The following BAZ2B variants were observed in gnomAD, a reference collection of about 807,000 sequenced individuals.
The protein encoded by BAZ2B is bromodomain adjacent to zinc finger domain protein 2B.
Under a neutral mutation model 246.0 loss-of-function variants are expected in BAZ2B, and 91 were observed. The ratio of observed to expected loss-of-function variants is 0.37; its 90% CI spans 0.31 to 0.44. BAZ2B has a LOEUF of 0.44. Ranked by LOEUF, BAZ2B falls within the 20% of genes least tolerant of loss-of-function variation. The pLI is 1.00. For missense variants in BAZ2B, 2,332 were observed against 2,533.7 expected, an observed-to-expected ratio of 0.92 and a Z score of 1.71; for synonymous variants, 855 against 860.0, an observed-to-expected ratio of 0.99 and a Z score of 0.10.
chr2:159,437,958 G>A, intron 8 of BAZ2B: 1 of 170,050 alleles, frequency 5.9e-6, no homozygotes, highest in Non-Finnish European at 1.2e-5. Flanking sequence ...GGAAAAAAAG[G>A]ACATTAATTT....
chr2:159,523,830 C>T (rs2084416289), intron 2 of BAZ2B, among the ~76,000 whole-genome samples: 1 of 152,086 alleles, frequency 6.6e-6, no homozygotes, highest in Non-Finnish European at 1.5e-5. Context: ...TCAATAATTT[C>T]TGATATAATA....
intron 27 of BAZ2B, among the ~76,000 whole-genome samples, chr2:159,363,256 T>C (rs2059902707): frequency 6.6e-6 from 1 of 152,126 alleles, no homozygotes; most frequent in African/African-American, 2.4e-5. Context: ...TTGGGGTGAT[T>C]TTCCTGCCAC....
chr2:159,353,793 G>A (rs1212920783), intron 27 of BAZ2B, among the ~76,000 whole-genome samples: 1 of 152,128 alleles, frequency 6.6e-6, no homozygotes, highest in Non-Finnish European at 1.5e-5. Flanking sequence ...TAGGAGCAGG[G>A]GATAATCAGC....
At chr2:159,496,558 G>A (rs1293211708) in intron 2 of BAZ2B, among the ~76,000 whole-genome samples, 27 of 148,828 alleles carry the variant, frequency 1.8e-4, no homozygotes, top group African/African-American at 4.0e-4. Flanking sequence ...CAAGGTGGGC[G>A]GATCACCTGA....
intron 2 of BAZ2B, among the ~76,000 whole-genome samples, chr2:159,479,826 C>T (rs890115881): frequency 6.6e-6 from 1 of 152,116 alleles, no homozygotes; most frequent in African/African-American, 2.4e-5. Flanking sequence ...ATTAGAAAGA[C>T]CATTTCAATG....
At chr2:159,510,265 C>T (rs1445704353) in intron 2 of BAZ2B, among the ~76,000 whole-genome samples, 1 of 152,152 alleles carries the variant, frequency 6.6e-6, no homozygotes, top group Non-Finnish European at 1.5e-5. Context: ...TTACTGCAGC[C>T]TCAACCTCCT....
At chr2:159,454,591 G>A (rs35554126) in intron 3 of BAZ2B, among the ~76,000 whole-genome samples, 66,174 of 151,868 alleles carry the variant, frequency 0.44, 15,027 homozygotes, top group East Asian at 0.61. Flanking sequence ...TATAATCTTA[G>A]GGGGCTACTG....
the BAZ2B span, among the ~76,000 whole-genome samples, chr2:159,622,106 CA>C: frequency 6.2e-4 from 81 of 129,700 alleles, no homozygotes; most frequent in Non-Finnish European, 5.2e-4. Flanking sequence ...AACTCCATCT[CA>C]AAAAAAAAAA....
intron 2 of BAZ2B, among the ~76,000 whole-genome samples, chr2:159,504,539 T>A (rs137910733): frequency 6.6e-6 from 1 of 152,318 alleles, no homozygotes; most frequent in Non-Finnish European, 1.5e-5. Context: ...CCAAGAAATC[T>A]ATTTGTGCCA....
the BAZ2B span, among the ~76,000 whole-genome samples, chr2:159,682,917 C>CA: frequency 8.5e-5 from 9 of 105,588 alleles, no homozygotes; most frequent in South Asian, 3.1e-4. Context: ...CCTCCCCCCC[C>CA]CCACACACAC....
intron 18 of BAZ2B, 130 bp downstream of exon 18, chr2:159,398,699 T>G: frequency 1.3e-6 from 1 of 748,324 alleles, no homozygotes; most frequent in Non-Finnish European, 2.1e-6. Context: ...ACTATACACA[T>G]GTAGTATCTG....
At chr2:159,663,764 G>A in the BAZ2B span, among the ~76,000 whole-genome samples, 2 of 150,844 alleles carry the variant, frequency 1.3e-5, no homozygotes, top group Non-Finnish European at 2.9e-5. Context: ...TGATCTGCTT[G>A]CCTTGGCCTC....
At chr2:159,612,011 C>T (rs1163633383) in intron 1 of BAZ2B, among the ~76,000 whole-genome samples, 1 of 151,872 alleles carries the variant, frequency 6.6e-6, no homozygotes, top group Non-Finnish European at 1.5e-5. Context: ...TTTAGTATCA[C>T]ATATTTAGTA....
chr2:159,358,644 A>ATTCTTC (rs1438721111), intron 27 of BAZ2B, among the ~76,000 whole-genome samples: 1 of 152,194 alleles, frequency 6.6e-6, no homozygotes, highest in Non-Finnish European at 1.5e-5. Context: ...TCCACCCCAA[A>ATTCTTC]TCAACAGAAT....
intron 2 of BAZ2B, among the ~76,000 whole-genome samples, chr2:159,533,558 C>T (rs1348357608): frequency 1.3e-5 from 2 of 151,826 alleles, no homozygotes; most frequent in African/African-American, 4.9e-5. Flanking sequence ...TTTCAAAATC[C>T]CTTCTTAATC....
At chr2:159,499,766 T>C (rs1023699278) in intron 2 of BAZ2B, among the ~76,000 whole-genome samples, 7 of 152,254 alleles carry the variant, frequency 4.6e-5, no homozygotes, top group Non-Finnish European at 1.0e-4. Context: ...ATTTCTCTAA[T>C]GATCAGTGAT....
At chr2:159,560,630 T>G (rs1362375980) in intron 1 of BAZ2B, among the ~76,000 whole-genome samples, 3 of 151,496 alleles carry the variant, frequency 2.0e-5, no homozygotes, top group Non-Finnish European at 4.4e-5. Context: ...AGTGCAGTGG[T>G]GCGATCTCTG....
At position 159,400,888 on chromosome 2, in the gene BAZ2B, A is replaced by T. The variant is rs566415767; in HGVS notation, c.2833-224T>A. Among the ~76,000 whole-genome samples the T allele has an allele frequency of 3.5e-3, 527 of 152,138 alleles. 3 individuals are homozygous for T. Among genetic ancestry groups the T allele is most frequent in the African/African-American group, 8.6e-3 (357 of 41,490 alleles). ...ACCTCGTCTCTACTAAAAATATTTA[A>T]AAAAAATTAGCAGGGCTTGGTGGCG... On this transcript the variant is annotated intron_variant, in intron 16 of 36. Coordinates refer to ENST00000392783, the MANE Select transcript of BAZ2B (RefSeq NM_013450.4).
chr2:159,426,426 CTAA>C (rs1183419670), intron 13 of BAZ2B, among the ~76,000 whole-genome samples: 2 of 152,038 alleles, frequency 1.3e-5, no homozygotes, highest in Non-Finnish European at 2.9e-5. Flanking sequence ...ATTAAAGTTT[CTAA>C]TATGTTTTAT....
Sources: gnomAD v4.1 joint callset for allele counts (sites outside exome capture counted in the v4.1 genomes callset) on GRCh38, gnomAD v4.1.1 for gene constraint, MANE v1.5 for transcripts, NCBI Gene and HGNC (gene_info 2026-07-23, HGNC 2026-07-21) for gene names.